The following SEZ6 variants were observed in gnomAD, a reference collection of about 807,000 sequenced individuals.
The protein encoded by SEZ6 is seizure related 6 homolog.
A neutral mutation model predicts 101.0 loss-of-function variants in SEZ6; 53 were observed. The ratio of observed to expected loss-of-function variants is 0.52; its 90% confidence interval spans 0.42 to 0.66. SEZ6 has a LOEUF of 0.66. Among genes scored for constraint, SEZ6 ranks in the 30% least tolerant of loss-of-function variants. SEZ6 has a pLI of 0.00. For missense variants in SEZ6, 1,102 were observed against 1,289.4 expected (o/e 0.85, Z 2.23); for synonymous variants, 488 against 512.2 (o/e 0.95, Z 0.64).
intron 1 of SEZ6, among the ~76,000 whole-genome samples, chr17:28,999,603 C>T (rs1417167026): frequency 6.6e-6 from 1 of 152,194 alleles, no homozygotes. Context: ...CAACACTCTG[C>T]CTGTGGCTGC....
At position 28,999,636 on chromosome 17, in the gene SEZ6, G is replaced by T. The variant is rs560244897; in HGVS notation, c.55+6179C>A. 1.5e-3 allele frequency among the ~76,000 whole-genome samples: 226 copies of T among 152,318 alleles called. 5 individuals are homozygous for T. In the South Asian group the frequency reaches 0.042, roughly 28 times the overall value. On this transcript the variant is annotated intron_variant, in intron 1 of 16. Transcript: ENST00000317338. ...TGCAGCATCCATCCTCCCCCCACAGGTCTGGTGGTTTGGGCAGCAGGTAGG... is the reference window on the plus strand; with the variant it reads ...TGCAGCATCCATCCTCCCCCCACAGTTCTGGTGGTTTGGGCAGCAGGTAGG...
At chr17:28,968,682 C>G (rs2041106578) in intron 4 of SEZ6, among the ~76,000 whole-genome samples, 1 of 152,170 alleles carries the variant, frequency 6.6e-6, no homozygotes, top group South Asian at 2.1e-4. Context: ...AGGGTGAGTG[C>G]TCCTTAGGTG....
chr17:28,960,448 A>G (rs2040958841), intron 7 of SEZ6, 57 bp downstream of exon 7: 7 of 1,549,422 alleles, frequency 4.5e-6, no homozygotes, highest in African/African-American at 1.4e-5. Flanking sequence ...GAAAGACCCT[A>G]GGCCCGAGCC....
Position 28,979,661 on chromosome 17 carries a change from C to A in SEZ6, c.858+19G>T. On this transcript the variant is annotated intron_variant, in intron 3 of 16. Coordinates refer to ENST00000317338, the MANE Select transcript of SEZ6 (RefSeq NM_178860.5). ...TACACCCGCCCCAGCTTTGCCCTTG[C>A]CAGATCCAGATCACTCACCTTGATT... 1 of 1,613,834 alleles carries A rather than the reference C, an allele frequency of 6.2e-7. No homozygotes were observed. The highest frequency in any genetic ancestry group is 8.5e-7 in the Non-Finnish European group (1 of 1,179,794).
chr17:28,979,046 T>C (rs1446809767), intron 3 of SEZ6, among the ~76,000 whole-genome samples: 1 of 151,652 alleles, frequency 6.6e-6, no homozygotes, highest in East Asian at 1.9e-4. Context: ...TGGACAGGAG[T>C]GGCTTTGGGG....
Position 28,958,086 on chromosome 17 carries a change from C to T in SEZ6, c.2163G>A (p.Lys721=), listed in dbSNP as rs1387982189. ...GCACTAGCTCAGGCTGCGATGGGCT[C>T]TTCCAGCCATTGGGGATCTCAGGCA... ...PELPEIPNGW[K]SPSQPELVHG... Residue 721 remains lysine (K), a synonymous_variant, in exon 11 of 17, where the codon AAG becomes AAA. Transcript: ENST00000317338. 6.2e-6 allele frequency: 10 copies of T among 1,609,796 alleles called. No individual in the cohort carries two copies. The African/African-American group carries it at 1.2e-4, about 19-fold the overall frequency.
chr17:28,958,152 A>C lies in SEZ6; in HGVS notation c.2108-11T>G. On this transcript the variant is annotated splice_polypyrimidine_tract_variant and intron_variant, in intron 10 of 16. Coordinates refer to ENST00000317338, the MANE Select transcript of SEZ6 (RefSeq NM_178860.5). ...CATTGCGGGGCACCTCTGGGGGCAC[A>C]GAGGCACAAGATGCAGGCCCTCGGC... is the stretch of plus-strand genomic sequence containing the variant. The C allele has an allele frequency of 6.3e-7, 1 of 1,581,598 alleles. No individual in the cohort carries two copies.
rs2040877715 is a variant in SEZ6, at chr17:28,956,301, AG to A, written c.2850-41del. 3 of 1,586,612 alleles carry A rather than the reference AG, an allele frequency of 1.9e-6. No individual in the cohort carries two copies. In the African/African-American group the frequency reaches 4.0e-5, roughly 21 times the overall value. ...AGCCTGCAAGTCAGGAGCACTGGGT[AG>A]GAGTGAGGTATGCAGGTATGCAGAG... On this transcript the variant is annotated intron_variant, in intron 15 of 16. Transcript: ENST00000317338.
rs1285636102 is a variant in SEZ6 at position 28,981,672 on chromosome 17, A to G, written c.423T>C (p.Ser141=). 2 of 1,574,282 alleles carry G rather than the reference A, an allele frequency of 1.3e-6. No homozygotes were observed. The highest frequency in any genetic ancestry group is 1.7e-6 in the Non-Finnish European group (2 of 1,156,114). The change falls in exon 2 of 17, where the codon AGT becomes AGC. Residue 141 remains serine, a synonymous_variant. Transcript: ENST00000317338. ...GAAGCATAGGGGACTCTGACTCCGG[A>G]CTCCAGGGTCCCTCCTTGGACTGGG... ...TQPQSKEGPW[S]PESESPMLRI... is the part of the protein sequence containing the mutation.
intron 1 of SEZ6, among the ~76,000 whole-genome samples, chr17:28,982,653 T>C (rs1370171259): frequency 6.6e-6 from 1 of 152,176 alleles, no homozygotes; most frequent in African/African-American, 2.4e-5. Context: ...CATGACTTCT[T>C]TTTTTGTTTG....
intron 1 of SEZ6, among the ~76,000 whole-genome samples, chr17:28,996,099 C>T (rs2041534030): frequency 6.6e-6 from 1 of 151,720 alleles, no homozygotes; most frequent in Non-Finnish European, 1.5e-5. Context: ...CTCCCGGGTT[C>T]ACGCCATTCT....
rs898544283 is a variant in SEZ6, at chr17:28,955,628, G to T, written c.*334C>A. ...TGGTCATGTGGAGAAAGGTACTCCT[G>T]CTCTGCTAGTGTGTTCCAGGCTGGT... On this transcript the variant is annotated 3_prime_UTR_variant, in exon 17 of 17. Coordinates refer to ENST00000317338, the MANE Select transcript of SEZ6 (RefSeq NM_178860.5). 3.6e-6 allele frequency: 2 copies of T among 562,450 alleles called. No homozygotes were observed. Among genetic ancestry groups the T allele is most frequent in the Non-Finnish European group, 6.8e-6 (2 of 295,520 alleles). The allele number at this position is 562,450 out of a possible 1,614,324, so 34.8% of individuals were successfully genotyped here.
chr17:28,956,121 G>C, intron 16 of SEZ6, 38 bp downstream of exon 16: 1 of 1,599,854 alleles, frequency 6.3e-7, no homozygotes, highest in South Asian at 1.1e-5. Flanking sequence ...AAAGAACTGG[G>C]TCTTGGATAG....
intron 1 of SEZ6, among the ~76,000 whole-genome samples, chr17:28,998,784 C>T (rs915152947): frequency 6.6e-6 from 1 of 152,100 alleles, no homozygotes; most frequent in Admixed American, 6.5e-5. Context: ...GCCCAGGGAC[C>T]CCAGAGGCTT....
At chr17:28,984,961 C>A (rs1030393930) in intron 1 of SEZ6, among the ~76,000 whole-genome samples, 20 of 152,204 alleles carry the variant, frequency 1.3e-4, no homozygotes, top group African/African-American at 4.8e-4. Flanking sequence ...CTGTGTCAGG[C>A]CCTTCCCAGA....
intron 3 of SEZ6, among the ~76,000 whole-genome samples, chr17:28,973,307 A>T (rs746398950): frequency 1.3e-5 from 2 of 152,230 alleles, no homozygotes; most frequent in Non-Finnish European, 2.9e-5. Flanking sequence ...TGTAGAAATA[A>T]CATCTAGACA....
At position 29,005,079 on chromosome 17, in the gene SEZ6, G is replaced by A. The variant is rs1186744249; in HGVS notation, c.55+736C>T. Among the ~76,000 whole-genome samples the A allele has an allele frequency of 3.7e-4, 1 of 2,676 alleles. No individual in the cohort carries two copies. Among genetic ancestry groups the A allele is most frequent in the African/African-American group, 4.8e-4 (1 of 2,066 alleles). The allele number at this position is 2,676 out of a possible 152,430, so 1.8% of individuals were successfully genotyped here. On this transcript the variant is annotated intron_variant, in intron 1 of 16. Transcript: ENST00000317338. The surrounding 1 kb of genome is among the most constrained non-coding windows in gnomAD (Gnocchi z 4.8). ...GAGGGAGGCAGAGCTCGGGGCAGTGGTGTGTGTGTGTGTGTGTGTGTGTGT... is the reference window on the plus strand; with the variant it reads ...GAGGGAGGCAGAGCTCGGGGCAGTGATGTGTGTGTGTGTGTGTGTGTGTGT...
chr17:29,001,580 G>A lies in SEZ6; in HGVS notation c.55+4235C>T, dbSNP rs570281888. ...GGTAGAGTGAGCCAGATTGGTCCGG[G>A]AGGGGAAAGGAATTTCAGGCAGAAA... On this transcript the variant is annotated intron_variant, in intron 1 of 16. Transcript: ENST00000317338. Among the ~76,000 whole-genome samples the A allele has an allele frequency of 5.3e-5, 8 of 152,354 alleles. No individual in the cohort carries two copies. In the South Asian group the frequency reaches 1.5e-3, roughly 28 times the overall value.
chr17:28,963,851 C>G, intron 5 of SEZ6, 111 bp downstream of exon 5: 1 of 1,349,690 alleles, frequency 7.4e-7, no homozygotes, highest in Non-Finnish European at 1.0e-6. Context: ...TGGCCATTTT[C>G]TGGCTTCCTT....
Sources: gnomAD v4.1 joint callset for allele counts (sites outside exome capture counted in the v4.1 genomes callset) on GRCh38, gnomAD v4.1.1 for gene constraint, Gnocchi (gnomAD v3.1) non-coding constraint, MANE v1.5 for transcripts, NCBI Gene and HGNC (gene_info 2026-07-23, HGNC 2026-07-21) for gene names.